The following MAP4K4 variants were observed in gnomAD, a reference collection of about 807,000 sequenced individuals.
The protein encoded by MAP4K4 is mitogen-activated protein kinase kinase kinase kinase 4.
In MAP4K4, 38 loss-of-function variants were observed where a neutral mutation model predicts 189.6. That is an observed-to-expected ratio of 0.20 (90% confidence interval 0.15 to 0.26). The LOEUF is 0.26. Ranked by LOEUF, MAP4K4 falls within the 10% of genes least tolerant of loss-of-function variation. The probability of loss-of-function intolerance (pLI) is 1.00; values close to 1 mark genes in which losing one functional copy is unlikely to be tolerated. For missense variants in MAP4K4, 1,054 were observed against 1,726.9 expected, an observed-to-expected ratio of 0.61 and a Z score of 6.91; for synonymous variants, 610 against 624.3, an observed-to-expected ratio of 0.98 and a Z score of 0.34.
intron 5 of MAP4K4, among the ~76,000 whole-genome samples, chr2:101,826,295 G>T (rs1456684771): frequency 6.6e-6 from 1 of 151,876 alleles, no homozygotes; most frequent in African/African-American, 2.4e-5. Flanking sequence ...TTATATTTAA[G>T]ATTCATAGAG....
intron 32 of MAP4K4, among the ~76,000 whole-genome samples, chr2:101,890,032 AAGTATGTTTACCAT>A (rs1324432807): frequency 2.6e-5 from 4 of 152,286 alleles, no homozygotes; most frequent in Admixed American, 1.3e-4. Context: ...ATACTTTCCT[AAGTATGTTTACCAT>A]AGCTGCAACT....
chr2:101,722,958 T>C (rs1413454699), intron 2 of MAP4K4, among the ~76,000 whole-genome samples: 2 of 152,268 alleles, frequency 1.3e-5, no homozygotes, highest in South Asian at 2.1e-4. Flanking sequence ...AGGAAAGAGG[T>C]TGAATTGACT....
intron 30 of MAP4K4, 104 bp downstream of exon 30, chr2:101,887,341 C>T: frequency 1.7e-5 from 20 of 1,201,776 alleles, no homozygotes; most frequent in Non-Finnish European, 2.2e-5. Context: ...GATTCATTTC[C>T]CCTTGGTGTG....
At chr2:101,884,819 G>A (rs989616993) in intron 28 of MAP4K4, among the ~76,000 whole-genome samples, 2 of 152,088 alleles carry the variant, frequency 1.3e-5, no homozygotes, top group African/African-American at 4.8e-5. Context: ...GGAGGACCTC[G>A]GTCTCTGTGT....
At chr2:101,740,338 A>G (rs1297630081) in intron 2 of MAP4K4, among the ~76,000 whole-genome samples, 1 of 119,620 alleles carries the variant, frequency 8.4e-6, no homozygotes, top group Non-Finnish European at 1.5e-5. Flanking sequence ...TATTTTTAGT[A>G]GAGACGGGGT....
chr2:101,754,345 T>G (rs1476634331), intron 2 of MAP4K4, among the ~76,000 whole-genome samples: 493 of 12,548 alleles, frequency 0.039, 5 homozygotes, highest in African/African-American at 0.17. Context: ...TTTGCTGTTT[T>G]TTTTTTTTTT....
At chr2:101,700,144 T>A (rs1171319981) in intron 2 of MAP4K4, among the ~76,000 whole-genome samples, 1 of 152,182 alleles carries the variant, frequency 6.6e-6, no homozygotes, top group African/African-American at 2.4e-5. Context: ...AGCATGGATG[T>A]TAAGGGCAGA....
intron 2 of MAP4K4, among the ~76,000 whole-genome samples, chr2:101,725,807 G>C (rs2054989278): frequency 1.3e-5 from 2 of 152,212 alleles, no homozygotes; most frequent in Admixed American, 1.3e-4. Context: ...GGAGGTCCAT[G>C]GGCACATCAT....
intron 2 of MAP4K4, among the ~76,000 whole-genome samples, chr2:101,762,894 T>C (rs1000240677): frequency 6.6e-5 from 10 of 152,186 alleles, no homozygotes; most frequent in African/African-American, 1.9e-4. Flanking sequence ...AGCAGCTGTT[T>C]TGGGCTGGTG....
At chr2:101,874,617 T>G (rs1374483338) in intron 26 of MAP4K4, among the ~76,000 whole-genome samples, 1 of 152,234 alleles carries the variant, frequency 6.6e-6, no homozygotes, top group African/African-American at 2.4e-5. Flanking sequence ...AGGTTGACTG[T>G]TCTCACTATA....
At chr2:101,749,937 A>G (rs2067818301) in intron 2 of MAP4K4, among the ~76,000 whole-genome samples, 1 of 116,770 alleles carries the variant, frequency 8.6e-6, no homozygotes, top group South Asian at 2.6e-4. Context: ...CATCAGAGAA[A>G]TGCAAATCAA....
At chr2:101,716,415 C>T (rs1483366423) in intron 2 of MAP4K4, among the ~76,000 whole-genome samples, 1 of 151,952 alleles carries the variant, frequency 6.6e-6, no homozygotes, top group Non-Finnish European at 1.5e-5. Context: ...TGCACTCCAG[C>T]CTGGGCGACA....
At chr2:101,743,421 C>T (rs1444449031) in intron 2 of MAP4K4, among the ~76,000 whole-genome samples, 1 of 151,776 alleles carries the variant, frequency 6.6e-6, no homozygotes. Context: ...ATTTTTGGAT[C>T]CAGTGTTTGT....
intron 10 of MAP4K4, among the ~76,000 whole-genome samples, chr2:101,841,696 T>G (rs1206868708): frequency 6.6e-6 from 1 of 152,148 alleles, no homozygotes; most frequent in Non-Finnish European, 1.5e-5. Context: ...CTTGAACCCC[T>G]GATCTCGTGA....
At chr2:101,769,844 A>T (rs1479550460) in intron 2 of MAP4K4, among the ~76,000 whole-genome samples, 1 of 152,114 alleles carries the variant, frequency 6.6e-6, no homozygotes, top group Admixed American at 6.5e-5. Context: ...GGCCTCCTAG[A>T]GTGCTGGGAT....
chr2:101,838,591 C>T (rs555519623), intron 9 of MAP4K4, among the ~76,000 whole-genome samples: 57 of 152,246 alleles, frequency 3.7e-4, no homozygotes, highest in African/African-American at 1.3e-3. Flanking sequence ...TTCTTCTTGT[C>T]CAGTCTACTG....
chr2:101,734,509 G>A (rs1419087460), intron 2 of MAP4K4, among the ~76,000 whole-genome samples: 4 of 152,106 alleles, frequency 2.6e-5, no homozygotes, highest in African/African-American at 7.2e-5. Context: ...ACATTCTTTC[G>A]TATCAGCAGA....
chr2:101,737,906 G>A (rs2061129580), intron 2 of MAP4K4, among the ~76,000 whole-genome samples: 1 of 152,080 alleles, frequency 6.6e-6, no homozygotes, highest in Non-Finnish European at 1.5e-5. Flanking sequence ...AATGGAAATG[G>A]TGAGGAATGC....
chr2:101,828,006 A>C (rs574462073), intron 5 of MAP4K4, among the ~76,000 whole-genome samples: 1 of 152,344 alleles, frequency 6.6e-6, no homozygotes, highest in Admixed American at 6.5e-5. Flanking sequence ...ATACACTCCC[A>C]GGTACTTCAT....
Sources: allele counts gnomAD v4.1 joint callset (sites outside exome capture counted in the v4.1 genomes callset), GRCh38; gene constraint gnomAD v4.1.1; transcripts MANE v1.5; gene names NCBI Gene and HGNC (gene_info 2026-07-23, HGNC 2026-07-21).